Variants in NWD2 observed in about 807,000 individuals in gnomAD.
The protein encoded by NWD2 is NACHT and WD repeat domain containing 2.
Under a neutral mutation model 132.7 loss-of-function variants are expected in NWD2, and 37 were observed. The observed-to-expected ratio is 0.28, with a 90% CI of 0.21 to 0.37. The LOEUF is 0.37. NWD2 is among the 10% of genes least tolerant of loss of function. NWD2 has a pLI of 1.00. For missense variants in NWD2, 1,592 were observed against 2,122.4 expected, an observed-to-expected ratio of 0.75 and a Z score of 4.91; for synonymous variants, 705 against 803.0, an observed-to-expected ratio of 0.88 and a Z score of 2.06.
intron 1 of NWD2, among the ~76,000 whole-genome samples, chr4:37,253,028 C>A (rs1033579514): frequency 1.4e-5 from 2 of 143,606 alleles, no homozygotes; most frequent in African/African-American, 5.0e-5. Context: ...TTTGCAGTTT[C>A]TTTGACCTCC....
At chr4:37,338,319 GA>G (rs1719451615) in intron 2 of NWD2, among the ~76,000 whole-genome samples, 1 of 152,242 alleles carries the variant, frequency 6.6e-6, no homozygotes, top group South Asian at 2.1e-4. Flanking sequence ...CTGGGCCCAA[GA>G]GCTCCATTTT....
chr4:37,438,671 C>A (rs1285910422), intron 5 of NWD2, 130 bp from the exon 6 acceptor site: 5 of 608,994 alleles, frequency 8.2e-6, no homozygotes, highest in Non-Finnish European at 1.1e-5. Context: ...AGAAATTATT[C>A]TAAAGATTAC....
At position 37,444,560 on chromosome 4, in the gene NWD2, T is replaced by G. The variant is rs1319621983; in HGVS notation, c.2572T>G (p.Phe858Val). The stretch of plus-strand genomic sequence containing the variant: ...CCTGCTTTACGGCATCATCATGAAC[T>G]TCAGCTGGCTTTATACCATGATCAA... ...DDLLYGIIMN[F>V]SWLYTMIKIG... The change falls in exon 7 of 7, where the codon TTC becomes GTC. Residue 858 changes from phenylalanine to valine, a missense_variant. Phe to Val is a conservative substitution (Grantham distance 50, BLOSUM62 -1). Around this residue, in one of 7 missense-constraint regions of NWD2, gnomAD observed 1,071 missense variants for 1,398.0 expected, o/e 0.77. Coordinates refer to ENST00000309447, the MANE Select transcript of NWD2 (RefSeq NM_001144990.2). The surrounding 1 kb of genome is among the most constrained non-coding windows in gnomAD (Gnocchi z 4.8). 1 of 1,551,804 alleles carries G rather than the reference T, an allele frequency of 6.4e-7. No homozygotes were observed. The highest frequency in any genetic ancestry group is 8.7e-7 in the Non-Finnish European group (1 of 1,147,036).
rs1437556350 is a variant in NWD2 at position 37,446,206 on chromosome 4, A to C, written c.4218A>C (p.Thr1406=). 3.2e-6 allele frequency: 5 copies of C among 1,551,582 alleles called. 1 individual carries two copies. The African/African-American group carries it at 4.1e-5, about 13-fold the overall frequency. Residue 1406 remains threonine (T), a synonymous_variant, in exon 7 of 7, where the codon ACA becomes ACC. Coordinates refer to ENST00000309447, the MANE Select transcript of NWD2 (RefSeq NM_001144990.2). The surrounding 1 kb of genome is among the most constrained non-coding windows in gnomAD (Gnocchi z 6.7). ...NGQRISQLLI[T]HNDQFVVSLC... is the part of the protein sequence containing the mutation. ...AGAGAATATCTCAGCTGCTGATTAC[A>C]CACAATGACCAGTTTGTGGTCTCGC...
chr4:37,258,821 C>T (rs1369409), intron 1 of NWD2, among the ~76,000 whole-genome samples: 28,194 of 152,128 alleles, frequency 0.19, 2,954 homozygotes, highest in Non-Finnish European at 0.24. Flanking sequence ...CTTGTGCTTA[C>T]TATTTAATTG....
chr4:37,430,051 T>G (rs1712128086), intron 3 of NWD2, among the ~76,000 whole-genome samples: 1 of 144,586 alleles, frequency 6.9e-6, no homozygotes, highest in Non-Finnish European at 1.6e-5. Context: ...AATGCTCTCT[T>G]GTTTAATTTT....
intron 5 of NWD2, among the ~76,000 whole-genome samples, chr4:37,435,789 A>C (rs1456143390): frequency 6.6e-6 from 1 of 152,126 alleles, no homozygotes; most frequent in Non-Finnish European, 1.5e-5. Flanking sequence ...CTACAAGTGG[A>C]GTGTTTTCTG....
chr4:37,260,230 C>T (rs1717601429), intron 1 of NWD2, among the ~76,000 whole-genome samples: 1 of 152,126 alleles, frequency 6.6e-6, no homozygotes, highest in Non-Finnish European at 1.5e-5. Flanking sequence ...ATGAAATGGA[C>T]TGAAACATCT....
chr4:37,359,986 T>C (rs1412483370), intron 3 of NWD2, among the ~76,000 whole-genome samples: 1 of 152,160 alleles, frequency 6.6e-6, no homozygotes, highest in African/African-American at 2.4e-5. Context: ...AAGAACAACA[T>C]TTGAATACAT....
chr4:37,250,850 C>T (rs1248900858), intron 1 of NWD2, among the ~76,000 whole-genome samples: 2 of 152,172 alleles, frequency 1.3e-5, no homozygotes, highest in East Asian at 3.8e-4. Flanking sequence ...TTACTATACA[C>T]GTAGGTCATA....
intron 3 of NWD2, among the ~76,000 whole-genome samples, chr4:37,397,885 T>C (rs1397913535): frequency 6.6e-6 from 1 of 152,026 alleles, no homozygotes; most frequent in Non-Finnish European, 1.5e-5. Flanking sequence ...GCATTGGCCA[T>C]GCTATGGCTG....
In NWD2 at chr4:37,354,813, C is replaced by T. The variant is rs369791970; in HGVS notation, c.241-1553C>T. Among the ~76,000 whole-genome samples, 43 of 152,306 alleles carry T rather than the reference C, an allele frequency of 2.8e-4. 2 individuals are homozygous for T. Among genetic ancestry groups the T allele is most frequent in the East Asian group, 2.5e-3 (13 of 5,188 alleles). On this transcript the variant is annotated intron_variant, in intron 2 of 6. Coordinates refer to ENST00000309447, the MANE Select transcript of NWD2 (RefSeq NM_001144990.2). ...CAGGATATTAATTTACCAAAAGGTA[C>T]TCTGTGGCATGTAAAACACCTGGAA... is the stretch of plus-strand genomic sequence containing the variant.
rs533475594 is a variant in NWD2 at position 37,387,088 on chromosome 4, A to G, written c.357+30606A>G. Among the ~76,000 whole-genome samples, 5 of 152,282 alleles carry G rather than the reference A, an allele frequency of 3.3e-5. No individual in the cohort carries two copies. In the South Asian group the frequency reaches 1.0e-3, roughly 32 times the overall value. On this transcript the variant is annotated intron_variant, in intron 3 of 6. Coordinates refer to ENST00000309447, the MANE Select transcript of NWD2 (RefSeq NM_001144990.2). ...ACCTAACCAATCAGTTCGGTAAATG[A>G]ATCACTGTTAACTACATTATTCAAG...
At chr4:37,390,303 C>A (rs1720656553) in intron 3 of NWD2, among the ~76,000 whole-genome samples, 1 of 151,874 alleles carries the variant, frequency 6.6e-6, no homozygotes, top group Admixed American at 6.6e-5. Flanking sequence ...TAGAAAATAT[C>A]AGAGTGCATA....
intron 1 of NWD2, among the ~76,000 whole-genome samples, chr4:37,276,196 C>T (rs1305634814): frequency 2.0e-5 from 3 of 152,088 alleles, no homozygotes; most frequent in African/African-American, 7.2e-5. Flanking sequence ...TTGCAATCTA[C>T]TCATCTGACA....
intron 1 of NWD2, among the ~76,000 whole-genome samples, chr4:37,322,569 T>G (rs1719089720): frequency 1.3e-5 from 2 of 151,926 alleles, no homozygotes; most frequent in African/African-American, 2.4e-5. Flanking sequence ...TCGTAAGGAG[T>G]GTACATTTCA....
chr4:37,265,042 T>C (rs1345476509), intron 1 of NWD2, among the ~76,000 whole-genome samples: 1 of 151,878 alleles, frequency 6.6e-6, no homozygotes, highest in Non-Finnish European at 1.5e-5. Context: ...TAAAATCAGA[T>C]CAAAAATGTA....
At chr4:37,286,689 A>G (rs1007229063) in intron 1 of NWD2, among the ~76,000 whole-genome samples, 2 of 152,194 alleles carry the variant, frequency 1.3e-5, no homozygotes, top group African/African-American at 2.4e-5. Context: ...TCATGTGTAA[A>G]ATAGAGATCA....
intron 1 of NWD2, among the ~76,000 whole-genome samples, chr4:37,278,014 G>T (rs982918308): frequency 6.6e-6 from 1 of 152,008 alleles, no homozygotes. Flanking sequence ...TAATTTTTAG[G>T]TCAGTTTTCC....
Sources: gnomAD v4.1 joint callset for allele counts (sites outside exome capture counted in the v4.1 genomes callset) on GRCh38, gnomAD v4.1.1 for gene constraint, gnomAD v4.1.1 regional missense constraint, Gnocchi (gnomAD v3.1) non-coding constraint, MANE v1.5 for transcripts, NCBI Gene and HGNC (gene_info 2026-07-23, HGNC 2026-07-21) for gene names.